ANGPT1: variants seen among roughly 807,000 people sequenced by gnomAD.
The protein encoded by ANGPT1 is angiopoietin 1, also known as angiopoietin-1.
Under a neutral mutation model 62.2 loss-of-function variants are expected in ANGPT1, and 17 were observed. That is an observed-to-expected ratio of 0.27 (90% CI 0.19 to 0.41). ANGPT1 has a LOEUF of 0.41. Ranked by LOEUF, ANGPT1 falls within the 10% of genes least tolerant of loss-of-function variation. The pLI is 1.00. For missense variants in ANGPT1, 478 were observed against 594.9 expected, an observed-to-expected ratio of 0.80 and a Z score of 2.04; for synonymous variants, 199 against 198.9, an observed-to-expected ratio of 1.00 and a Z score of 0.00.
chr8:107,311,037 G>C (rs1481664773), intron 4 of ANGPT1, among the ~76,000 whole-genome samples: 1 of 151,618 alleles, frequency 6.6e-6, no homozygotes, highest in Non-Finnish European at 1.5e-5. Context: ...GTGAGTGTGT[G>C]TGTGTTCATC....
At chr8:107,320,681 T>C (rs1815129543) in intron 4 of ANGPT1, among the ~76,000 whole-genome samples, 1 of 152,124 alleles carries the variant, frequency 6.6e-6, no homozygotes, top group Non-Finnish European at 1.5e-5. Context: ...GAACTCACTG[T>C]TTAAAAAATA....
intron 1 of ANGPT1, among the ~76,000 whole-genome samples, chr8:107,379,376 T>A (rs1368242229): frequency 6.6e-6 from 1 of 152,202 alleles, no homozygotes; most frequent in Non-Finnish European, 1.5e-5. Context: ...ACTTACTCCA[T>A]AAGGCTGCCT....
intron 7 of ANGPT1, among the ~76,000 whole-genome samples, chr8:107,267,714 C>A (rs571646349): frequency 1.3e-5 from 2 of 152,070 alleles, no homozygotes; most frequent in Non-Finnish European, 2.9e-5. Context: ...AAGATAAAGT[C>A]CAAATTTTTT....
At chr8:107,459,569 C>T (rs1189472682) in intron 1 of ANGPT1, among the ~76,000 whole-genome samples, 1 of 152,054 alleles carries the variant, frequency 6.6e-6, no homozygotes, top group Non-Finnish European at 1.5e-5. Flanking sequence ...TATGTGGGAA[C>T]GAGGAATGCA....
intron 1 of ANGPT1, among the ~76,000 whole-genome samples, chr8:107,443,646 T>TA (rs548442338): frequency 0.39 from 52,685 of 135,394 alleles, 10,140 homozygotes; most frequent in Middle Eastern, 0.52. Context: ...CCGTCTCTAC[T>TA]AAAAAAAAAA....
intron 7 of ANGPT1, among the ~76,000 whole-genome samples, chr8:107,265,756 C>T (rs1308136068): frequency 6.6e-6 from 1 of 152,042 alleles, no homozygotes; most frequent in African/African-American, 2.4e-5. Context: ...CTCCTAAAAC[C>T]TAGGCTGGCT....
intron 1 of ANGPT1, among the ~76,000 whole-genome samples, chr8:107,471,529 A>G (rs1312430241): frequency 6.6e-6 from 1 of 152,136 alleles, no homozygotes; most frequent in Non-Finnish European, 1.5e-5. Flanking sequence ...CGTTCTGCAC[A>G]TGTACCCCAG....
chr8:107,395,386 T>G (rs1056697427), intron 1 of ANGPT1, among the ~76,000 whole-genome samples: 1 of 152,182 alleles, frequency 6.6e-6, no homozygotes, highest in Non-Finnish European at 1.5e-5. Flanking sequence ...TTGGTAACAT[T>G]TATATGCATT....
chr8:107,472,489 C>T (rs920979559), intron 1 of ANGPT1, among the ~76,000 whole-genome samples: 1 of 151,966 alleles, frequency 6.6e-6, no homozygotes, highest in Non-Finnish European at 1.5e-5. Context: ...ATCAACAAAC[C>T]TTATAGGCTA....
At chr8:107,489,510 C>G (rs181037883) in intron 1 of ANGPT1, among the ~76,000 whole-genome samples, 2 of 152,262 alleles carry the variant, frequency 1.3e-5, no homozygotes, top group East Asian at 1.9e-4. Context: ...TAGCTACTTT[C>G]TCTGTTCAAA....
At chr8:107,354,238 A>G (rs1013245700) in intron 1 of ANGPT1, among the ~76,000 whole-genome samples, 91 of 152,242 alleles carry the variant, frequency 6.0e-4, no homozygotes, top group African/African-American at 2.2e-3. Context: ...ACACTAGTAA[A>G]ATGTCAGAGT....
chr8:107,312,114 A>AACTG (rs113114893), intron 4 of ANGPT1, among the ~76,000 whole-genome samples: 1 of 152,180 alleles, frequency 6.6e-6, no homozygotes, highest in African/African-American at 2.4e-5. Context: ...TAAAAGGTAC[A>AACTG]ACTGGAAATA....
At chr8:107,284,873 T>C in intron 6 of ANGPT1, 25 bp from the exon 7 acceptor site, 1 of 1,500,240 alleles carries the variant, frequency 6.7e-7, no homozygotes, top group Non-Finnish European at 9.0e-7. Flanking sequence ...AGAGATGCAG[T>C]TGTTACTTTA....
chr8:107,260,093 A>C (rs1383450261), intron 8 of ANGPT1, among the ~76,000 whole-genome samples: 1 of 152,134 alleles, frequency 6.6e-6, no homozygotes, highest in Non-Finnish European at 1.5e-5. Context: ...CTGATAGAAG[A>C]AAGCCAAGAA....
rs763972325 is a variant in ANGPT1 at position 107,399,810 on chromosome 8, T to C, written c.298-52713A>G. Among the ~76,000 whole-genome samples the C allele has an allele frequency of 1.4e-4, 21 of 152,116 alleles. 1 individual carries two copies. The highest frequency in any genetic ancestry group is 4.6e-4 in the Admixed American group (7 of 15,274). ...ACACCCGCAAACACCACAATTGCCT[T>C]GAGATGCCAATCTCACTGAACTGAA... On this transcript the variant is annotated intron_variant, in intron 1 of 8. Coordinates refer to ENST00000517746, the MANE Select transcript of ANGPT1 (RefSeq NM_001146.5).
At chr8:107,278,456 T>C (rs1813916686) in intron 7 of ANGPT1, among the ~76,000 whole-genome samples, 1 of 152,168 alleles carries the variant, frequency 6.6e-6, no homozygotes, top group Non-Finnish European at 1.5e-5. Context: ...CTCTTTTTGA[T>C]TCGAGGATAT....
chr8:107,314,332 A>G (rs1814959362), intron 4 of ANGPT1, among the ~76,000 whole-genome samples: 1 of 152,210 alleles, frequency 6.6e-6, no homozygotes, highest in African/African-American at 2.4e-5. Flanking sequence ...CTGAAGTTAA[A>G]AACTCCAATT....
rs111727684 is a variant in ANGPT1, at chr8:107,378,149, C to G, written c.298-31052G>C. 7.7e-3 allele frequency among the ~76,000 whole-genome samples: 1,170 copies of G among 152,252 alleles called. 20 individuals carry two copies. Among genetic ancestry groups the G allele is most frequent in the African/African-American group, 0.027 (1,101 of 41,538 alleles). ...TAGATTCACTACTCAATTAAATCAG[C>G]CTTCATAGGGTTTAGACACACTTGA... On this transcript the variant is annotated intron_variant, in intron 1 of 8. Transcript: ENST00000517746.
intron 1 of ANGPT1, among the ~76,000 whole-genome samples, chr8:107,416,935 G>T (rs1288357081): frequency 6.6e-6 from 1 of 151,868 alleles, no homozygotes; most frequent in African/African-American, 2.4e-5. Context: ...AGGACTATAG[G>T]TATGCGCCAC....
Sources: gnomAD v4.1 joint callset for allele counts (sites outside exome capture counted in the v4.1 genomes callset) on GRCh38, gnomAD v4.1.1 for gene constraint, MANE v1.5 for transcripts, NCBI Gene and HGNC (gene_info 2026-07-23, HGNC 2026-07-21) for gene names.